The following VPS53 variants were observed in gnomAD, a reference collection of about 807,000 sequenced individuals.
The protein encoded by VPS53 is VPS53 subunit of GARP complex.
Under a neutral mutation model 107.0 loss-of-function variants are expected in VPS53, and 70 were observed. That is an observed-to-expected ratio of 0.65 (90% CI 0.54 to 0.80). The LOEUF is 0.80. Among genes scored for constraint, VPS53 ranks in the 30% least tolerant of loss-of-function variants. The pLI is 0.00. For synonymous variants in VPS53, 409 were observed against 393.3 expected, an observed-to-expected ratio of 1.04 and a Z score of -0.47; for missense variants, 917 against 1,049.4, an observed-to-expected ratio of 0.87 and a Z score of 1.74.
intron 12 of VPS53, among the ~76,000 whole-genome samples, chr17:593,046 C>A (rs1179808358): frequency 6.6e-6 from 1 of 152,056 alleles, no homozygotes; most frequent in African/African-American, 2.4e-5. Flanking sequence ...CTGAGAAAAA[C>A]AAGAAATGGG....
chr17:568,466 C>T (rs1746882606), intron 13 of VPS53, among the ~76,000 whole-genome samples: 1 of 151,988 alleles, frequency 6.6e-6, no homozygotes, highest in Non-Finnish European at 1.5e-5. Context: ...AGGCTGGTCT[C>T]GAACTCCTGA....
intron 13 of VPS53, among the ~76,000 whole-genome samples, chr17:583,096 G>A (rs72808282): frequency 9.6e-5 from 14 of 145,978 alleles, no homozygotes; most frequent in East Asian, 6.3e-4. Flanking sequence ...AACCTAATGC[G>A]TTCCCAAAGA....
rs1360006982 is a variant in VPS53 at position 520,624 on chromosome 17, G to C, written c.2224-694C>G. ...AGTATCTGATTTTCTTTCCCCAGCC[G>C]ACTGATTTGTTTTGAATTCCTGAGA... On this transcript the variant is annotated intron_variant, in intron 20 of 21. Transcript: ENST00000437048. The surrounding 1 kb of genome is among the most constrained non-coding windows in gnomAD (Gnocchi z 4.4). Among the ~76,000 whole-genome samples the C allele has an allele frequency of 6.6e-6, 1 of 152,162 alleles. No homozygotes were observed. Among genetic ancestry groups the C allele is most frequent in the Non-Finnish European group, 1.5e-5 (1 of 68,022 alleles).
At chr17:713,896 T>C (rs557719374) in intron 1 of VPS53, among the ~76,000 whole-genome samples, 1 of 144,634 alleles carries the variant, frequency 6.9e-6, no homozygotes, top group Non-Finnish European at 1.5e-5. Context: ...AAAAAAAAAA[T>C]TAGCCGGGTG....
intron 14 of VPS53, 152 bp downstream of exon 14, chr17:562,351 G>A (rs1597304041): frequency 2.9e-5 from 31 of 1,069,202 alleles, no homozygotes; most frequent in Non-Finnish European, 3.9e-5. Flanking sequence ...ATGTCAGAGA[G>A]GAAATAGCTT....
At chr17:681,612 G>A (rs532698194) in intron 4 of VPS53, among the ~76,000 whole-genome samples, 143 of 151,510 alleles carry the variant, frequency 9.4e-4, no homozygotes, top group South Asian at 4.2e-3. Context: ...GATATATGTA[G>A]TTAGAAAAGG....
At chr17:624,995 CTTT>C (rs56344843) in intron 10 of VPS53, among the ~76,000 whole-genome samples, 1 of 109,034 alleles carries the variant, frequency 9.2e-6, no homozygotes. Context: ...TCTCTCTCTT[CTTT>C]TTTTTTTTTT....
At chr17:596,884 G>A (rs78452201) in intron 12 of VPS53, among the ~76,000 whole-genome samples, 2 of 152,338 alleles carry the variant, frequency 1.3e-5, no homozygotes, top group Non-Finnish European at 2.9e-5. Context: ...TCCTCCTGGA[G>A]TTTGGTGGAA....
chr17:558,583 G>A (rs1423058248), intron 15 of VPS53, among the ~76,000 whole-genome samples: 1 of 152,062 alleles, frequency 6.6e-6, no homozygotes, highest in Non-Finnish European at 1.5e-5. Flanking sequence ...GCAGTGAGCC[G>A]AGATCGTGCC....
intron 10 of VPS53, among the ~76,000 whole-genome samples, chr17:624,934 GCCCT>G (rs548899843): frequency 1.0e-3 from 136 of 135,316 alleles, no homozygotes; most frequent in African/African-American, 3.3e-3. Flanking sequence ...CCTTCCACTC[GCCCT>G]CCCTCCCTCC....
At chr17:666,498 T>C (rs917605371) in intron 4 of VPS53, among the ~76,000 whole-genome samples, 1 of 152,106 alleles carries the variant, frequency 6.6e-6, no homozygotes, top group Non-Finnish European at 1.5e-5. Context: ...ACCCTGTCTC[T>C]ACTCAAAATA....
chr17:712,641 T>C (rs968583388), intron 1 of VPS53, among the ~76,000 whole-genome samples: 6 of 152,250 alleles, frequency 3.9e-5, no homozygotes, highest in African/African-American at 1.4e-4. Context: ...TGAATTCATC[T>C]TGACATAATG....
At chr17:690,111 T>A (rs1972728514) in intron 4 of VPS53, among the ~76,000 whole-genome samples, 1 of 152,168 alleles carries the variant, frequency 6.6e-6, no homozygotes, top group African/African-American at 2.4e-5. Context: ...CCTTTTCATC[T>A]ACAACTTGAA....
chr17:641,805 G>C (rs1970433442), intron 7 of VPS53, among the ~76,000 whole-genome samples: 1 of 152,128 alleles, frequency 6.6e-6, no homozygotes, highest in African/African-American at 2.4e-5. Flanking sequence ...TAGAGAACAG[G>C]GAAAACAAAA....
chr17:647,035 T>C (rs1410224961), intron 7 of VPS53, among the ~76,000 whole-genome samples: 3 of 152,170 alleles, frequency 2.0e-5, no homozygotes, highest in East Asian at 1.9e-4. Flanking sequence ...AAAAATAAAT[T>C]ATTTAGCAAG....
At chr17:611,426 G>C (rs1968866399) in intron 11 of VPS53, among the ~76,000 whole-genome samples, 1 of 152,212 alleles carries the variant, frequency 6.6e-6, no homozygotes, top group African/African-American at 2.4e-5. Context: ...ATAATTAGGG[G>C]AACAAAGGAG....
Position 710,618 on chromosome 17 carries a change from A to T in VPS53, c.88-5T>A. On this transcript the variant is annotated splice_region_variant and splice_polypyrimidine_tract_variant and intron_variant, in intron 1 of 21. Transcript: ENST00000437048. Reference sequence around the variant, plus strand: ...AGGGTCCTGGCTTGGAAACACCTATATAGAAAGAGAGGAGTATATATAAAA... The same window carrying T: ...AGGGTCCTGGCTTGGAAACACCTATTTAGAAAGAGAGGAGTATATATAAAA... 6.2e-7 allele frequency: 1 copy of T among 1,600,638 alleles called. No homozygotes were observed. The highest frequency in any genetic ancestry group is 8.6e-7 in the Non-Finnish European group (1 of 1,168,052).
rs377274469 is a variant in VPS53, at chr17:519,901, C to T, written c.2253G>A (p.Val751=). ...GTTTGATGTAGTTGTCAACAAACACCACCAACGGTTCATGAGGGGCCATCA... is the reference window on the plus strand; with the variant it reads ...GTTTGATGTAGTTGTCAACAAACACTACCAACGGTTCATGAGGGGCCATCA... ...KVVMAPHEPL[V]VFVDNYIKLL... Residue 751 remains valine (V), a synonymous_variant, in exon 21 of 22, where the codon GTG becomes GTA. Coordinates refer to ENST00000437048, the MANE Select transcript of VPS53 (RefSeq NM_001128159.3). This position sits in a 1 kb window ranked among gnomAD's most constrained non-coding sequence, Gnocchi z 5.0. 724 of 1,551,588 alleles carry T rather than the reference C, an allele frequency of 4.7e-4. 8 individuals are homozygous for T. The South Asian group carries it at 6.8e-3, about 15-fold the overall frequency.
At chr17:654,429 C>T (rs1971089463) in intron 6 of VPS53, among the ~76,000 whole-genome samples, 1 of 151,762 alleles carries the variant, frequency 6.6e-6, no homozygotes, top group South Asian at 2.1e-4. Flanking sequence ...TATGATTTTC[C>T]ATAAGAAGCA....
Sources: allele counts gnomAD v4.1 joint callset (sites outside exome capture counted in the v4.1 genomes callset), GRCh38; gene constraint gnomAD v4.1.1; non-coding constraint Gnocchi (gnomAD v3.1); transcripts MANE v1.5; gene names NCBI Gene and HGNC (gene_info 2026-07-23, HGNC 2026-07-21).